GALNT16: variants seen among roughly 807,000 people sequenced by gnomAD.
GALNT16 encodes the protein UDP-GalNAc:polypeptide N-acetylgalactosaminyltransferase-like protein 1.
A neutral mutation model predicts 76.1 loss-of-function variants in GALNT16; 40 were observed. The observed-to-expected ratio is 0.53, with a 90% CI of 0.41 to 0.68. The LOEUF is 0.68. Among genes scored for constraint, GALNT16 ranks in the 30% least tolerant of loss-of-function variants. The probability of loss-of-function intolerance (pLI) is 0.00; values close to 1 mark genes in which losing one functional copy is unlikely to be tolerated. For synonymous variants in GALNT16, 276 were observed against 285.2 expected, an observed-to-expected ratio of 0.97 and a Z score of 0.32; for missense variants, 621 against 731.9, an observed-to-expected ratio of 0.85 and a Z score of 1.75.
chr14:69,369,970 A>AT, the GALNT16 span, among the ~76,000 whole-genome samples: 32 of 152,220 alleles, frequency 2.1e-4, no homozygotes, highest in Non-Finnish European at 3.8e-4. Context: ...CACATTTGGC[A>AT]GCTTTTTATA....
rs554529526 is a variant in GALNT16, at chr14:69,261,323, G to T, written c.177+856G>T. ...CGATCCTGTCGCCGTCTCCGTCCGA[G>T]CCCCAGGTGACAGAGCTGTGCGTGG... On this transcript the variant is annotated intron_variant, in intron 1 of 14. Transcript: ENST00000448469. This position sits in a 1 kb window ranked among gnomAD's most constrained non-coding sequence, Gnocchi z 6.4. 5.3e-4 allele frequency among the ~76,000 whole-genome samples: 80 copies of T among 152,280 alleles called. No homozygotes were observed. Among genetic ancestry groups the T allele is most frequent in the African/African-American group, 1.8e-3 (76 of 41,576 alleles).
At chr14:69,290,456 C>A (rs1284458884) in intron 1 of GALNT16, among the ~76,000 whole-genome samples, 1 of 152,218 alleles carries the variant, frequency 6.6e-6, no homozygotes. Flanking sequence ...CCAGAATCAT[C>A]TGTGTTTGGT....
chr14:69,336,194 C>T (rs1325321252), intron 9 of GALNT16, among the ~76,000 whole-genome samples: 1 of 152,198 alleles, frequency 6.6e-6, no homozygotes. Flanking sequence ...ATTGCACTCT[C>T]TGCCTCCAGG....
intron 9 of GALNT16, among the ~76,000 whole-genome samples, chr14:69,335,712 C>T (rs11627526): frequency 0.024 from 3,582 of 152,286 alleles, 66 homozygotes; most frequent in South Asian, 0.05. Context: ...AGTGCTCAGA[C>T]GTTCAGCCGC....
chr14:69,265,708 G>A (rs184841219), intron 1 of GALNT16, among the ~76,000 whole-genome samples: 4 of 152,324 alleles, frequency 2.6e-5, no homozygotes, highest in Admixed American at 1.3e-4. Context: ...CAGAGGAGCC[G>A]AGCTTTCAGA....
chr14:69,295,481 A>T (rs113576138), intron 1 of GALNT16, among the ~76,000 whole-genome samples: 10,817 of 150,610 alleles, frequency 0.072, 588 homozygotes, highest in Middle Eastern at 0.11. Flanking sequence ...GCATTTTGGG[A>T]GGCCGAGGTG....
chr14:69,262,838 T>C (rs1050597392), intron 1 of GALNT16, among the ~76,000 whole-genome samples: 1 of 152,136 alleles, frequency 6.6e-6, no homozygotes, highest in Non-Finnish European at 1.5e-5. Flanking sequence ...TGCTGGAAGC[T>C]CCTTGCATCC....
intron 1 of GALNT16, among the ~76,000 whole-genome samples, chr14:69,300,876 C>T (rs2044841929): frequency 6.6e-6 from 1 of 152,202 alleles, no homozygotes; most frequent in African/African-American, 2.4e-5. Flanking sequence ...TTGGGATTTA[C>T]CTTCTGGTTC....
At chr14:69,313,417 G>A (rs2045055826) in intron 1 of GALNT16, among the ~76,000 whole-genome samples, 1 of 152,234 alleles carries the variant, frequency 6.6e-6, no homozygotes. Context: ...AGGACCCTCG[G>A]GTCTGAGCAG....
rs368034243 is a variant in GALNT16, at chr14:69,338,793, A to G, written c.1094+16A>G. On this transcript the variant is annotated intron_variant, in intron 10 of 14. Transcript: ENST00000448469. The stretch of plus-strand genomic sequence containing the variant: ...CCTACATCAGGTAGGTCACCGAGAA[A>G]GGAGCACGGGACTCAGAGGAGGACA... 23 of 1,604,622 alleles carry G rather than the reference A, an allele frequency of 1.4e-5. No individual in the cohort carries two copies. In the African/African-American group the frequency reaches 2.3e-4, roughly 16 times the overall value.
the GALNT16 span, among the ~76,000 whole-genome samples, chr14:69,363,980 C>T: frequency 6.6e-6 from 1 of 152,198 alleles, no homozygotes; most frequent in Admixed American, 6.5e-5. Context: ...GCCTGTACTT[C>T]CCCGCTTTTA....
intron 7 of GALNT16, among the ~76,000 whole-genome samples, 172 bp from the exon 8 acceptor site, chr14:69,332,913 T>C (rs896553131): frequency 6.6e-6 from 1 of 151,690 alleles, no homozygotes; most frequent in African/African-American, 2.4e-5. Context: ...TCTTACCCAG[T>C]AGATGGTACA....
At chr14:69,298,897 C>T (rs576075784) in intron 1 of GALNT16, among the ~76,000 whole-genome samples, 1 of 152,242 alleles carries the variant, frequency 6.6e-6, no homozygotes, top group South Asian at 2.1e-4. Flanking sequence ...AGGGAGCTGC[C>T]TCCTGTGTCT....
intron 1 of GALNT16, among the ~76,000 whole-genome samples, chr14:69,271,008 G>C (rs907032581): frequency 1.1e-4 from 17 of 152,122 alleles, no homozygotes; most frequent in African/African-American, 3.9e-4. Context: ...GGGAAGGCAA[G>C]GGAGCAGCAG....
chr14:69,272,049 T>G (rs1380860107), intron 1 of GALNT16, among the ~76,000 whole-genome samples: 1 of 152,188 alleles, frequency 6.6e-6, no homozygotes. Flanking sequence ...CTCACATTCA[T>G]TCACATCCCC....
chr14:69,323,163 A>T (rs1036755082), intron 2 of GALNT16, among the ~76,000 whole-genome samples: 11 of 152,130 alleles, frequency 7.2e-5, no homozygotes, highest in African/African-American at 2.2e-4. Flanking sequence ...GTCCAGCCTC[A>T]ATCTAGGGAG....
At chr14:69,358,703 C>T (rs1214361200), downstream of GALNT16, 1 of 152,386 alleles carries the variant, frequency 6.6e-6, no homozygotes, top group Non-Finnish European at 1.5e-5. Flanking sequence ...ACCGGTGCGT[C>T]ATCATCACAC....
intron 1 of GALNT16, 75 bp downstream of exon 1, chr14:69,260,542 G>A (rs2044251370): frequency 9.1e-7 from 1 of 1,093,898 alleles, no homozygotes; most frequent in Non-Finnish European, 1.2e-6. Flanking sequence ...GGCGGCCGAG[G>A]GCGCGGGGCC....
At position 69,320,820 on chromosome 14, in the gene GALNT16, G is replaced by C; in HGVS notation, c.287G>C (p.Ser96Thr). 6.2e-7 allele frequency: 1 copy of C among 1,614,208 alleles called. No individual in the cohort carries two copies. Among genetic ancestry groups the C allele is most frequent in the Non-Finnish European group, 8.5e-7 (1 of 1,180,036 alleles). The change falls in exon 2 of 15, where the codon AGT (serine) becomes ACT (threonine). Residue 96 changes from serine to threonine, a missense_variant. Transcript: ENST00000448469. Reference sequence around the variant, plus strand: ...CAGCACGCCTTCAACCAGCTGGAGAGTGACAAGCTGAGCCCAGACCGGCCC... The same window carrying C: ...CAGCACGCCTTCAACCAGCTGGAGACTGACAAGCTGAGCCCAGACCGGCCC... ...YRQHAFNQLE[S>T]DKLSPDRPIR...
Sources: allele counts gnomAD v4.1 joint callset (sites outside exome capture counted in the v4.1 genomes callset), GRCh38; gene constraint gnomAD v4.1.1; non-coding constraint Gnocchi (gnomAD v3.1); transcripts MANE v1.5; gene names NCBI Gene and HGNC (gene_info 2026-07-23, HGNC 2026-07-21).